CSE1L: variants seen among roughly 807,000 people sequenced by gnomAD.
CSE1L encodes chromosome segregation 1 like.
A neutral mutation model predicts 120.4 loss-of-function variants in CSE1L; 24 were observed. The observed-to-expected ratio is 0.20, with a 90% CI of 0.14 to 0.28. The LOEUF is 0.28. Ranked by LOEUF, CSE1L falls within the 10% of genes least tolerant of loss-of-function variation. The pLI is 1.00. For synonymous variants in CSE1L, 402 were observed against 398.3 expected, an observed-to-expected ratio of 1.01 and a Z score of -0.11; for missense variants, 830 against 1,145.2, an observed-to-expected ratio of 0.72 and a Z score of 3.97.
intron 14 of CSE1L, among the ~76,000 whole-genome samples, chr20:49,079,905 C>A (rs1233350200): frequency 6.6e-6 from 1 of 152,080 alleles, no homozygotes; most frequent in African/African-American, 2.4e-5. Flanking sequence ...CATGACGAAA[C>A]CCCATCTCTA....
At chr20:49,076,553 G>A (rs1433129891) in intron 12 of CSE1L, among the ~76,000 whole-genome samples, 2 of 95,660 alleles carry the variant, frequency 2.1e-5, no homozygotes, top group East Asian at 3.1e-4. Flanking sequence ...TTTTTGAGAC[G>A]TTGTCTTGCT....
At chr20:49,050,153 A>G (rs1031431230) in intron 1 of CSE1L, among the ~76,000 whole-genome samples, 1 of 151,614 alleles carries the variant, frequency 6.6e-6, no homozygotes, top group African/African-American at 2.4e-5. Context: ...TAGCATCTCA[A>G]CTTAATCATT....
At chr20:49,091,901 A>T in intron 21 of CSE1L, 145 bp from the exon 22 acceptor site, 1 of 612,766 alleles carries the variant, frequency 1.6e-6, no homozygotes, top group African/African-American at 1.9e-5. Context: ...ACAGAAAGAC[A>T]AGTTTTCTAT....
intron 8 of CSE1L, 107 bp downstream of exon 8, chr20:49,070,404 A>G: frequency 1.7e-6 from 1 of 601,062 alleles, no homozygotes; most frequent in Non-Finnish European, 3.0e-6. Context: ...ATAAAATTTC[A>G]ATACTGTAAT....
At chr20:49,056,351 C>G (rs575297950) in intron 1 of CSE1L, among the ~76,000 whole-genome samples, 3 of 152,084 alleles carry the variant, frequency 2.0e-5, no homozygotes, top group African/African-American at 7.2e-5. Flanking sequence ...TGATCCACCC[C>G]CCTCAGCCTC....
chr20:49,076,781 T>G (rs1354952126), intron 12 of CSE1L, among the ~76,000 whole-genome samples, 199 bp from the exon 13 acceptor site: 1 of 152,050 alleles, frequency 6.6e-6, no homozygotes, highest in Non-Finnish European at 1.5e-5. Context: ...TCTACCCGCC[T>G]CGGCCTCCCA....
rs2091891608 is a variant in CSE1L, at chr20:49,066,285, C to G, written c.322C>G (p.Gln108Glu). 6.2e-7 allele frequency: 1 copy of G among 1,614,050 alleles called. No homozygotes were observed. Among genetic ancestry groups the G allele is most frequent in the Admixed American group, 1.7e-5 (1 of 59,998 alleles). The change falls in exon 4 of 25, where the codon CAG becomes GAG. Residue 108 changes from glutamine (Q) to glutamate (E), a missense_variant. Around this residue, in one of 4 missense-constraint regions of CSE1L, gnomAD observed 543 missense variants for 640.2 expected, o/e 0.85. Transcript: ENST00000262982. ...HLMLSSPEQIQKQLSDAISII... is the reference protein window; with the variant it reads ...HLMLSSPEQIEKQLSDAISII... Reference sequence around the variant, plus strand: ...GATGCTTAGCAGCCCAGAGCAAATTCAGAAGCAGGTAATGTCGCTCCACTT... The same window carrying G: ...GATGCTTAGCAGCCCAGAGCAAATTGAGAAGCAGGTAATGTCGCTCCACTT...
chr20:49,093,762 CA>C (rs1390482256), intron 22 of CSE1L, among the ~76,000 whole-genome samples: 1 of 151,540 alleles, frequency 6.6e-6, no homozygotes, highest in Non-Finnish European at 1.5e-5. Context: ...ACTAAAAATA[CA>C]AAAATTTGCC....
intron 1 of CSE1L, among the ~76,000 whole-genome samples, chr20:49,048,728 A>G (rs1314013358): frequency 6.6e-6 from 1 of 152,208 alleles, no homozygotes. Flanking sequence ...TTTGTAGGCA[A>G]TGTAAGGAGT....
chr20:49,050,326 C>G (rs2091756266), intron 1 of CSE1L, among the ~76,000 whole-genome samples: 1 of 151,230 alleles, frequency 6.6e-6, no homozygotes, highest in Non-Finnish European at 1.5e-5. Context: ...TCAAGCAATC[C>G]TCCTGCCTCA....
At chr20:49,092,315 G>A (rs371037295) in intron 22 of CSE1L, among the ~76,000 whole-genome samples, 188 bp downstream of exon 22, 1 of 151,936 alleles carries the variant, frequency 6.6e-6, no homozygotes, top group Admixed American at 6.6e-5. Context: ...GGTGGCTCAC[G>A]CCCGTAATCC....
At chr20:49,073,052 C>T (rs1274905265) in intron 10 of CSE1L, among the ~76,000 whole-genome samples, 3 of 152,304 alleles carry the variant, frequency 2.0e-5, no homozygotes, top group Admixed American at 2.0e-4. Flanking sequence ...CGCTCTGTCA[C>T]CCAGGCTGGA....
At chr20:49,087,705 C>T (rs1311482687) in intron 16 of CSE1L, among the ~76,000 whole-genome samples, 1 of 152,160 alleles carries the variant, frequency 6.6e-6, no homozygotes, top group African/African-American at 2.4e-5. Context: ...CTCTCTCAGA[C>T]TCACCTGCTC....
chr20:49,051,273 C>CGGT (rs749829681), intron 1 of CSE1L, among the ~76,000 whole-genome samples: 22 of 152,328 alleles, frequency 1.4e-4, no homozygotes, highest in Non-Finnish European at 2.9e-4. Context: ...AGGCCGGGCA[C>CGGT]GGTGGCTCAT....
At chr20:49,071,967 CA>C (rs569520524) in intron 8 of CSE1L, among the ~76,000 whole-genome samples, 26 of 109,316 alleles carry the variant, frequency 2.4e-4, no homozygotes, top group Non-Finnish European at 3.2e-4. Context: ...GACTGCGTCT[CA>C]AAAAAAAAAA....
intron 15 of CSE1L, among the ~76,000 whole-genome samples, chr20:49,084,410 T>A (rs1176828698): frequency 6.6e-6 from 1 of 152,156 alleles, no homozygotes; most frequent in East Asian, 1.9e-4. Context: ...GAAATGTGTG[T>A]CAAAGGATCC....
At chr20:49,073,908 AAT>A (rs2123712979) in intron 10 of CSE1L, among the ~76,000 whole-genome samples, 1 of 152,226 alleles carries the variant, frequency 6.6e-6, no homozygotes, top group Non-Finnish European at 1.5e-5. Flanking sequence ...TTTTCATAAA[AAT>A]ATGTTTAAAG....
intron 1 of CSE1L, among the ~76,000 whole-genome samples, chr20:49,052,176 G>T (rs1042752861): frequency 9.2e-5 from 14 of 152,162 alleles, no homozygotes; most frequent in Non-Finnish European, 1.3e-4. Context: ...CTCATGTTTT[G>T]CTGGGTGACT....
At chr20:49,055,748 A>G (rs1218900829) in intron 1 of CSE1L, among the ~76,000 whole-genome samples, 1 of 152,098 alleles carries the variant, frequency 6.6e-6, no homozygotes, top group Non-Finnish European at 1.5e-5. Context: ...TAAATTCCTT[A>G]CTGTAAATGT....
Sources: allele counts gnomAD v4.1 joint callset (sites outside exome capture counted in the v4.1 genomes callset), GRCh38; gene constraint gnomAD v4.1.1; regional missense constraint gnomAD v4.1.1; transcripts MANE v1.5; gene names NCBI Gene and HGNC (gene_info 2026-07-23, HGNC 2026-07-21).